MID2: variants seen among roughly 807,000 people sequenced by gnomAD.
The protein encoded by MID2 is midline 2.
Under a neutral mutation model 46.1 loss-of-function variants are expected in MID2, and 13 were observed. The observed-to-expected ratio is 0.28, with a 90% CI of 0.18 to 0.45. The LOEUF is 0.45. MID2 is among the 20% of genes least tolerant of loss of function. MID2 has a pLI of 1.00. For synonymous variants in MID2, 199 were observed against 212.3 expected, an observed-to-expected ratio of 0.94 and a Z score of 0.55; for missense variants, 431 against 575.4, an observed-to-expected ratio of 0.75 and a Z score of 2.57.
intron 3 of MID2, chrX:107,894,668 G>A (rs757233477): frequency 9.0e-6 from 1 of 111,579 alleles, no homozygotes; most frequent in East Asian, 2.8e-4. Context: ...TTTACTGTGT[G>A]ACAAGCACTA....
chrX:107,894,583 A>G (rs1205447148), intron 3 of MID2: 1 of 111,969 alleles, frequency 8.9e-6, no homozygotes, highest in Admixed American at 9.5e-5. Context: ...AACATAGTAT[A>G]CAATACCTTT....
At chrX:107,862,516 G>A (rs1179776130) in intron 3 of MID2, among the ~76,000 whole-genome samples, 1 of 112,098 alleles carries the variant, frequency 8.9e-6, no homozygotes, top group Non-Finnish European at 1.9e-5. Flanking sequence ...GGGTTATTGT[G>A]CTCAATAAGC....
In MID2 at chrX:107,927,271, T is replaced by A. The variant is rs1364619533; in HGVS notation, c.*198T>A. 2 of 365,402 alleles carry A rather than the reference T, an allele frequency of 5.5e-6. No individual in the cohort carries two copies. The highest frequency in any genetic ancestry group is 9.1e-6 in the Non-Finnish European group (2 of 219,522). 30.1% of individuals were successfully genotyped at this position (365,402 alleles called of 1,213,427 possible). ...TTATTGAGTTTTTCAGAACAAATTA[T>A]CTGAGTAGTCTGCGTTCAAGCCATT... On this transcript the variant is annotated 3_prime_UTR_variant, in exon 10 of 10. Coordinates refer to ENST00000262843, the MANE Select transcript of MID2 (RefSeq NM_012216.4).
intron 1 of MID2, among the ~76,000 whole-genome samples, chrX:107,832,124 C>A (rs1931101943): frequency 8.9e-6 from 1 of 112,373 alleles, no homozygotes. Context: ...ATTCCATGTA[C>A]TATAAAATAT....
intron 3 of MID2, among the ~76,000 whole-genome samples, chrX:107,875,369 C>T (rs969860138): frequency 8.1e-5 from 9 of 111,552 alleles, no homozygotes; most frequent in Non-Finnish European, 1.3e-4. Context: ...CTCCCAATAT[C>T]GGAGTATTAC....
chrX:107,842,236 T>C (rs1931363317), intron 2 of MID2, among the ~76,000 whole-genome samples: 1 of 112,003 alleles, frequency 8.9e-6, no homozygotes, highest in African/African-American at 3.2e-5. Context: ...TTTTCTAAAG[T>C]TGTTGTGTCA....
intron 5 of MID2, among the ~76,000 whole-genome samples, chrX:107,913,177 A>T (rs1932916582): frequency 8.9e-6 from 1 of 112,100 alleles, no homozygotes; most frequent in African/African-American, 3.2e-5. Flanking sequence ...TTTCACAAAC[A>T]TGATATGCTA....
chrX:107,829,177 A>T (rs1206952045), intron 1 of MID2, among the ~76,000 whole-genome samples: 2 of 112,371 alleles, frequency 1.8e-5, no homozygotes, highest in Non-Finnish European at 3.8e-5. Context: ...CCCAGCCAAC[A>T]TTATACTTTT....
In MID2 at chrX:107,928,261, T is replaced by C. The variant is rs1454070670; in HGVS notation, c.*1188T>C. The stretch of plus-strand genomic sequence containing the variant: ...GAATGTCTGAAAACAGTTTGTTTTC[T>C]TAAATAGGATAAATAATCATTCCTT... On this transcript the variant is annotated 3_prime_UTR_variant, in exon 10 of 10. Transcript: ENST00000262843. 2.7e-5 allele frequency among the ~76,000 whole-genome samples: 3 copies of C among 112,046 alleles called. No homozygotes were observed. The highest frequency in any genetic ancestry group is 5.6e-5 in the Non-Finnish European group (3 of 53,144).
At position 107,865,607 on chromosome X, in the gene MID2, A is replaced by C. The variant is rs1022690064; in HGVS notation, c.816+10903A>C. On this transcript the variant is annotated intron_variant, in intron 3 of 9. Coordinates refer to ENST00000262843, the MANE Select transcript of MID2 (RefSeq NM_012216.4). ...CAGTCCTTTGATGTTTTCCCCATAT[A>C]AGGGGAGAAACTGGGACACAACTGG... Among the ~76,000 whole-genome samples the C allele has an allele frequency of 4.5e-5, 5 of 111,365 alleles. No homozygotes were observed. The East Asian group carries it at 1.4e-3, about 32-fold the overall frequency.
In MID2 at chrX:107,841,037, G is replaced by A; in HGVS notation, c.372G>A (p.Arg124=). The change falls in exon 2 of 10, where the codon AGG becomes AGA. Residue 124 remains arginine, a synonymous_variant. Transcript: ENST00000262843. ...CCCCTAGTGAGAGCCGCCGGGAAAG[G>A]ACTTACAGGCCCACCACTGCCATGT... ...PNSPSESRRE[R]TYRPTTAMSS... 1 of 1,211,566 alleles carries A rather than the reference G, an allele frequency of 8.3e-7. No homozygotes were observed. The highest frequency in any genetic ancestry group is 1.1e-6 in the Non-Finnish European group (1 of 895,478).
In MID2 at chrX:107,924,283, GT is replaced by G. The variant is rs754037407; in HGVS notation, c.1436-55del. 6.0e-4 allele frequency: 663 copies of G among 1,100,937 alleles called. 5 individuals carry two copies. In the African/African-American group the frequency reaches 0.011, roughly 19 times the overall value. 90.7% of individuals were successfully genotyped at this position (1,100,937 alleles called of 1,213,427 possible). Reference sequence around the variant, plus strand: ...GTGGCTTATGATGAATTTTCAGTGTGTTTTTCATTCTGTCTCTCTTACCTGC... The same window carrying G: ...GTGGCTTATGATGAATTTTCAGTGTGTTTTCATTCTGTCTCTCTTACCTGC... On this transcript the variant is annotated intron_variant, in intron 7 of 9. Transcript: ENST00000262843.
At position 107,841,063 on chromosome X, in the gene MID2, C is replaced by T; in HGVS notation, c.398C>T (p.Ser133Phe). The change falls in exon 2 of 10, where the codon TCT (serine) becomes TTT (phenylalanine). Residue 133 changes from serine (S) to phenylalanine (F), a missense_variant. Transcript: ENST00000262843. ...ACTTACAGGCCCACCACTGCCATGT[C>T]TAGCGAGCGAATTGCTTGCCAATTC... The part of the protein sequence containing the change: ...ERTYRPTTAM[S>F]SERIACQFCE... 3.3e-6 allele frequency: 4 copies of T among 1,211,615 alleles called. No homozygotes were observed. The South Asian group carries it at 5.3e-5, about 16-fold the overall frequency.
chrX:107,924,514 G>T lies in MID2; in HGVS notation c.1597+10G>T, dbSNP rs1933136063. 1.7e-6 allele frequency: 2 copies of T among 1,209,729 alleles called. No individual in the cohort carries two copies. Among genetic ancestry groups the T allele is most frequent in the East Asian group, 5.9e-5 (2 of 33,825 alleles). On this transcript the variant is annotated intron_variant, in intron 8 of 9. Transcript: ENST00000262843. ...CGACTAAAAACAAACAGTACGTTGTGGTGATTTCAAAAGGAAAGATCAATT... is the reference window on the plus strand; with the variant it reads ...CGACTAAAAACAAACAGTACGTTGTTGTGATTTCAAAAGGAAAGATCAATT...
intron 3 of MID2, among the ~76,000 whole-genome samples, chrX:107,866,473 AC>A (rs1931960786): frequency 8.4e-5 from 6 of 71,499 alleles, no homozygotes; most frequent in Admixed American, 6.6e-4. Context: ...ACACACACAC[AC>A]ACAACACTGA....
intron 1 of MID2, 116 bp downstream of exon 1, chrX:107,826,546 C>T: frequency 2.2e-6 from 2 of 907,462 alleles, no homozygotes; most frequent in Non-Finnish European, 2.9e-6. Context: ...TGGCCGAGGG[C>T]TCTCCGGCTC....
intron 3 of MID2, among the ~76,000 whole-genome samples, chrX:107,878,598 A>G (rs1215757224): frequency 8.9e-6 from 1 of 112,459 alleles, no homozygotes. Context: ...ACCACCTATT[A>G]CATTGGGGAT....
intron 2 of MID2, among the ~76,000 whole-genome samples, chrX:107,850,139 A>G (rs1931577360): frequency 9.0e-6 from 1 of 111,302 alleles, no homozygotes; most frequent in African/African-American, 3.3e-5. Flanking sequence ...ACGAAGAGAC[A>G]TGTTTACTTT....
intron 3 of MID2, among the ~76,000 whole-genome samples, chrX:107,901,525 T>A (rs1438348161): frequency 8.9e-6 from 1 of 111,739 alleles, no homozygotes; most frequent in Non-Finnish European, 1.9e-5. Flanking sequence ...TTTTTTCACA[T>A]TTAATTCAAT....
Sources: gnomAD v4.1 joint callset for allele counts (sites outside exome capture counted in the v4.1 genomes callset) on GRCh38, gnomAD v4.1.1 for gene constraint, MANE v1.5 for transcripts, NCBI Gene and HGNC (gene_info 2026-07-23, HGNC 2026-07-21) for gene names.